SBF2: variants seen among roughly 807,000 people sequenced by gnomAD.
The protein encoded by SBF2 is myotubularin-related protein 13.
Under a neutral mutation model 225.2 loss-of-function variants are expected in SBF2, and 112 were observed. The observed-to-expected ratio is 0.50, with a 90% confidence interval of 0.43 to 0.58. SBF2 has a LOEUF of 0.58. Among genes scored for constraint, SBF2 ranks in the 20% least tolerant of loss-of-function variants. The pLI, the probability that SBF2 is intolerant of heterozygous loss-of-function variation, is 0.00. For missense variants in SBF2, 1,996 were observed against 2,206.2 expected, an observed-to-expected ratio of 0.90 and a Z score of 1.91; for synonymous variants, 763 against 773.3, an observed-to-expected ratio of 0.99 and a Z score of 0.22.
At position 9,900,023 on chromosome 11, in the gene SBF2, T is replaced by C. The variant is rs561014002; in HGVS notation, c.1861-4012A>G. On this transcript the variant is annotated intron_variant, in intron 16 of 39. Transcript: ENST00000256190. The stretch of plus-strand genomic sequence containing the variant: ...AAACAAAATTAAACAAGGTTTTCCT[T>C]TTCTTCTTTTTTTTTTTTTTTAAAA... Among the ~76,000 whole-genome samples the C allele has an allele frequency of 1.9e-4, 25 of 130,182 alleles. No homozygotes were observed. The East Asian group carries it at 5.1e-3, about 26-fold the overall frequency. 85.4% of individuals were successfully genotyped at this position (130,182 alleles called of 152,430 possible).
chr11:9,959,966 G>GA (rs1866456453), intron 16 of SBF2: 1 of 305,640 alleles, frequency 3.3e-6, no homozygotes, highest in Admixed American at 4.1e-5. Flanking sequence ...TTGTCTTTTT[G>GA]AAAAAATACT....
chr11:10,230,670 T>C (rs187692005), intron 1 of SBF2, among the ~76,000 whole-genome samples: 9 of 152,226 alleles, frequency 5.9e-5, no homozygotes, highest in East Asian at 1.9e-4. Context: ...GAGTTTCTGC[T>C]GAGAGATCCG....
chr11:9,856,355 A>G, intron 19 of SBF2, 103 bp downstream of exon 19: 1 of 1,441,000 alleles, frequency 6.9e-7, no homozygotes, highest in Non-Finnish European at 9.7e-7. Flanking sequence ...AACTTTTGAA[A>G]TATGTACAGC....
At chr11:9,991,315 T>C (rs942598025) in intron 12 of SBF2, among the ~76,000 whole-genome samples, 6 of 152,212 alleles carry the variant, frequency 3.9e-5, no homozygotes, top group Non-Finnish European at 5.9e-5. Flanking sequence ...GTAAACATAT[T>C]CTACACAGAA....
intron 2 of SBF2, among the ~76,000 whole-genome samples, 198 bp from the exon 3 acceptor site, chr11:10,043,179 T>A (rs571857526): frequency 2.0e-5 from 3 of 152,156 alleles, no homozygotes; most frequent in Non-Finnish European, 4.4e-5. Context: ...ATATATTTCA[T>A]GAAGATAGCC....
chr11:9,833,208 C>T (rs978141028), intron 26 of SBF2, among the ~76,000 whole-genome samples: 1 of 152,180 alleles, frequency 6.6e-6, no homozygotes, highest in African/African-American at 2.4e-5. Context: ...AATAACACTA[C>T]ATGTTGATAC....
intron 30 of SBF2, among the ~76,000 whole-genome samples, chr11:9,812,310 TAC>T (rs1268717075): frequency 5.3e-5 from 8 of 152,154 alleles, no homozygotes; most frequent in Non-Finnish European, 1.0e-4. Flanking sequence ...AACTTTTAAA[TAC>T]ACAGAGATAA....
intron 1 of SBF2, among the ~76,000 whole-genome samples, chr11:10,239,557 G>A (rs1959179791): frequency 9.2e-6 from 1 of 108,112 alleles, no homozygotes; most frequent in Admixed American, 9.0e-5. Context: ...GGATGTGTCT[G>A]TAACATCCTG....
At chr11:9,856,314 T>C (rs1857310796) in intron 19 of SBF2, 144 bp downstream of exon 19, 1 of 1,017,910 alleles carries the variant, frequency 9.8e-7, no homozygotes, top group Admixed American at 1.9e-5. Flanking sequence ...AAAGAAAAGC[T>C]GAGCAAGTCC....
intron 2 of SBF2, among the ~76,000 whole-genome samples, chr11:10,171,604 T>C (rs1016973379): frequency 6.6e-6 from 1 of 152,226 alleles, no homozygotes; most frequent in South Asian, 2.1e-4. Flanking sequence ...GTTTTCTTTT[T>C]TGCTGTGTCT....
intron 37 of SBF2, 68 bp downstream of exon 37, chr11:9,785,057 G>A: frequency 7.5e-7 from 1 of 1,331,820 alleles, no homozygotes; most frequent in Non-Finnish European, 1.1e-6. Context: ...CTTATTGAGG[G>A]ACCTGTGGTT....
At chr11:10,117,608 G>A (rs1272303309) in intron 2 of SBF2, among the ~76,000 whole-genome samples, 1 of 152,052 alleles carries the variant, frequency 6.6e-6, no homozygotes, top group Non-Finnish European at 1.5e-5. Context: ...GAAAGTTTAT[G>A]AACTTTCAAG....
At chr11:10,205,514 CAGA>C (rs1213503896) in intron 1 of SBF2, among the ~76,000 whole-genome samples, 4 of 151,750 alleles carry the variant, frequency 2.6e-5, no homozygotes, top group East Asian at 3.9e-4. Flanking sequence ...CTCTACCAAA[CAGA>C]AGAAGGCAAC....
chr11:10,073,772 T>G (rs1199356310), intron 2 of SBF2, among the ~76,000 whole-genome samples: 1 of 152,030 alleles, frequency 6.6e-6, no homozygotes, highest in South Asian at 2.1e-4. Flanking sequence ...CAAATGCATA[T>G]GTAGACCTTG....
intron 1 of SBF2, among the ~76,000 whole-genome samples, chr11:10,268,630 AT>A (rs1962209471): frequency 6.6e-6 from 1 of 152,228 alleles, no homozygotes; most frequent in Non-Finnish European, 1.5e-5. Context: ...TCAGTAAATA[AT>A]TGTTTACTTC....
At chr11:9,802,137 A>G (rs1853528978) in intron 32 of SBF2, among the ~76,000 whole-genome samples, 1 of 152,274 alleles carries the variant, frequency 6.6e-6, no homozygotes, top group African/African-American at 2.4e-5. Context: ...CATACTATTC[A>G]TGTTTTCTCC....
chr11:10,005,655 T>C (rs1948157347), intron 6 of SBF2, among the ~76,000 whole-genome samples: 1 of 152,172 alleles, frequency 6.6e-6, no homozygotes, highest in South Asian at 2.1e-4. Flanking sequence ...TCTATGGATT[T>C]GCTGTCGGTA....
intron 17 of SBF2, among the ~76,000 whole-genome samples, chr11:9,880,011 G>C (rs1859609222): frequency 6.8e-6 from 1 of 147,604 alleles, no homozygotes; most frequent in Non-Finnish European, 1.5e-5. Context: ...TTGAACCTGG[G>C]ATGTGGAGGT....
chr11:10,248,267 G>C (rs1960001727), intron 1 of SBF2, among the ~76,000 whole-genome samples: 1 of 152,148 alleles, frequency 6.6e-6, no homozygotes, highest in Admixed American at 6.5e-5. Context: ...GGATGTTTAG[G>C]ACAAGTCAAA....
Sources: gnomAD v4.1 joint callset for allele counts (sites outside exome capture counted in the v4.1 genomes callset) on GRCh38, gnomAD v4.1.1 for gene constraint, MANE v1.5 for transcripts, NCBI Gene and HGNC (gene_info 2026-07-23, HGNC 2026-07-21) for gene names.